Variants in DST observed in about 807,000 individuals in gnomAD.
DST encodes the protein dystonin, also known as bullous pemphigoid antigen.
In DST, 253 loss-of-function variants were observed where a neutral mutation model predicts 875.2. That is an observed-to-expected ratio of 0.29 (90% CI 0.26 to 0.32). The LOEUF (loss-of-function observed/expected upper bound fraction) is 0.32, where lower values mean the gene tolerates loss of function less well. Among genes scored for constraint, DST ranks in the 10% least tolerant of loss-of-function variants. The probability of loss-of-function intolerance (pLI) is 1.00; values close to 1 mark genes in which losing one functional copy is unlikely to be tolerated. For missense variants in DST, 8,287 were observed against 9,111.6 expected (o/e 0.91, Z 3.68); for synonymous variants, 3,124 against 3,197.1 (o/e 0.98, Z 0.77).
intron 3 of DST, among the ~76,000 whole-genome samples, chr6:56,869,162 TGGGGAGTC>T (rs898408522): frequency 5.9e-5 from 9 of 152,220 alleles, no homozygotes; most frequent in African/African-American, 2.2e-4. Context: ...GGACCTATTT[TGGGGAGTC>T]TAGTCATACA....
chr6:56,859,823 A>G (rs1770030529), intron 3 of DST, among the ~76,000 whole-genome samples: 1 of 152,216 alleles, frequency 6.6e-6, no homozygotes, highest in African/African-American at 2.4e-5. Flanking sequence ...CTTTTAGTGG[A>G]ATAGTATAAA....
chr6:56,929,163 T>G (rs1808813084), intron 2 of DST, among the ~76,000 whole-genome samples: 1 of 152,108 alleles, frequency 6.6e-6, no homozygotes, highest in South Asian at 2.1e-4. Context: ...GGCCATGTGA[T>G]CATATTTACC....
intron 9 of DST, among the ~76,000 whole-genome samples, chr6:56,676,042 C>CA (rs36088203): frequency 2.6e-5 from 4 of 151,524 alleles, no homozygotes; most frequent in South Asian, 4.2e-4. Flanking sequence ...TGGCTAGTCT[C>CA]AAAAAAAAGG....
intron 4 of DST, among the ~76,000 whole-genome samples, chr6:56,784,459 C>T (rs2099700849): frequency 6.6e-6 from 1 of 152,160 alleles, no homozygotes; most frequent in African/African-American, 2.4e-5. Flanking sequence ...TCCCTTCTTG[C>T]TTCATTTCAT....
chr6:56,830,242 T>C (rs1369605949), intron 4 of DST, among the ~76,000 whole-genome samples: 1 of 152,200 alleles, frequency 6.6e-6, no homozygotes, highest in African/African-American at 2.4e-5. Flanking sequence ...ATGAAAATGG[T>C]TTGAAATGAT....
chr6:56,592,403 T>A (rs1455088638), intron 48 of DST, 45 bp from the exon 49 acceptor site: 1 of 1,419,286 alleles, frequency 7.0e-7, no homozygotes, highest in Non-Finnish European at 9.7e-7. Context: ...AAACCCACTA[T>A]TTTCATATGC....
At chr6:56,919,071 G>A (rs1405209803) in intron 2 of DST, among the ~76,000 whole-genome samples, 1 of 151,584 alleles carries the variant, frequency 6.6e-6, no homozygotes, top group Non-Finnish European at 1.5e-5. Flanking sequence ...CAACTTATAT[G>A]TATTTCTTAT....
chr6:56,566,931 G>A (rs1290421955), intron 55 of DST, among the ~76,000 whole-genome samples: 1 of 152,204 alleles, frequency 6.6e-6, no homozygotes, highest in African/African-American at 2.4e-5. Context: ...CTAAGAGAGA[G>A]CATGGTGGTT....
At chr6:56,926,635 AG>A (rs1366777587) in intron 2 of DST, among the ~76,000 whole-genome samples, 1 of 152,228 alleles carries the variant, frequency 6.6e-6, no homozygotes, top group Non-Finnish European at 1.5e-5. Context: ...GCTAGCGATG[AG>A]TTCACAATAA....
chr6:56,784,099 T>TA (rs201936247), intron 4 of DST, among the ~76,000 whole-genome samples: 1,582 of 152,350 alleles, frequency 0.01, 23 homozygotes, highest in African/African-American at 0.035. Flanking sequence ...GATCTGCTGT[T>TA]AGTCTGATGA....
In DST at chr6:56,954,400, G is replaced by A; in HGVS notation, c.181+7C>T. The A allele has an allele frequency of 7.3e-7, 1 of 1,365,444 alleles. No homozygotes were observed. The highest frequency in any genetic ancestry group is 1.1e-5 in the South Asian group (1 of 87,560). 84.6% of individuals were successfully genotyped at this position (1,365,444 alleles called of 1,614,324 possible). A position where few individuals can be genotyped will look rare whatever the true frequency, so the allele number is the denominator to read the frequency against. ...AGCCCGCAGAAACCCGTCGCGGCGT[G>A]TCTTACCTCGGCTTCTTGAACGACC... On this transcript the variant is annotated splice_region_variant and intron_variant, in intron 1 of 103. Transcript: ENST00000680361.
At chr6:56,543,873 T>TA (rs34936769) in intron 61 of DST, among the ~76,000 whole-genome samples, 4 of 152,304 alleles carry the variant, frequency 2.6e-5, no homozygotes, top group Middle Eastern at 3.4e-3. Context: ...GAATCTTTTT[T>TA]AAAAAAATCT....
chr6:56,619,451 T>C (rs749726643), intron 36 of DST: 9 of 1,611,526 alleles, frequency 5.6e-6, no homozygotes, highest in African/African-American at 2.7e-5. Context: ...TTTTAGATGA[T>C]CTGATTTTCT....
intron 9 of DST, among the ~76,000 whole-genome samples, chr6:56,671,474 C>A (rs1351615998): frequency 6.6e-6 from 1 of 152,194 alleles, no homozygotes; most frequent in East Asian, 1.9e-4. Context: ...CTTGCTCAAC[C>A]TGAAACCTTT....
chr6:56,474,169 G>A, intron 92 of DST, 167 bp from the exon 93 acceptor site: 1 of 574,734 alleles, frequency 1.7e-6, no homozygotes, highest in Non-Finnish European at 3.0e-6. Flanking sequence ...TCATACTGCA[G>A]GCATTTACTA....
chr6:56,781,182 G>A (rs139731462), intron 4 of DST, among the ~76,000 whole-genome samples: 58 of 152,186 alleles, frequency 3.8e-4, no homozygotes, highest in South Asian at 1.2e-3. Context: ...TTGTTCTTTC[G>A]GCTTAGGATT....
intron 2 of DST, among the ~76,000 whole-genome samples, chr6:56,921,588 T>A (rs1804235684): frequency 6.6e-6 from 1 of 152,216 alleles, no homozygotes; most frequent in African/African-American, 2.4e-5. Context: ...CTAATTCACA[T>A]AGTGTTAAAG....
At chr6:56,596,149 C>G (rs1450759424) in intron 47 of DST, among the ~76,000 whole-genome samples, 1 of 152,110 alleles carries the variant, frequency 6.6e-6, no homozygotes, top group East Asian at 1.9e-4. Flanking sequence ...CTGCCTCAGT[C>G]TCCCAAGTAG....
At chr6:56,471,302 T>C (rs2094878708) in intron 94 of DST, 34 bp from the exon 95 acceptor site, 2 of 1,512,022 alleles carry the variant, frequency 1.3e-6, no homozygotes, top group Admixed American at 2.1e-5. Flanking sequence ...ATTGAGTTAA[T>C]GCTGTACTAA....
Sources: gnomAD v4.1 joint callset for allele counts (sites outside exome capture counted in the v4.1 genomes callset) on GRCh38, gnomAD v4.1.1 for gene constraint, MANE v1.5 for transcripts, NCBI Gene and HGNC (gene_info 2026-07-23, HGNC 2026-07-21) for gene names.